GRIA1: variants seen among roughly 807,000 people sequenced by gnomAD.
GRIA1 encodes glutamate receptor 1.
GRIA1 carries 31 observed loss-of-function variants against 99.2 expected under a neutral mutation model. The ratio of observed to expected loss-of-function variants is 0.31; its 90% confidence interval spans 0.23 to 0.42. GRIA1 has a LOEUF of 0.42. Ranked by LOEUF, GRIA1 falls within the 10% of genes least tolerant of loss-of-function variation. GRIA1 has a pLI of 1.00. For missense variants in GRIA1, 782 were observed against 1,157.5 expected, an observed-to-expected ratio of 0.68 and a Z score of 4.71; for synonymous variants, 438 against 432.4, an observed-to-expected ratio of 1.01 and a Z score of -0.16.
intron 2 of GRIA1, among the ~76,000 whole-genome samples, chr5:153,588,079 T>C (rs868196145): frequency 6.6e-6 from 1 of 152,184 alleles, no homozygotes; most frequent in Admixed American, 6.5e-5. Context: ...ACAAATATTC[T>C]TCAATGGAAG....
intron 14 of GRIA1, among the ~76,000 whole-genome samples, chr5:153,801,010 A>G (rs1326780507): frequency 6.6e-6 from 1 of 152,238 alleles, no homozygotes; most frequent in Non-Finnish European, 1.5e-5. Flanking sequence ...ATTCAATGAG[A>G]CATTTATTGT....
intron 2 of GRIA1, among the ~76,000 whole-genome samples, chr5:153,574,799 A>G (rs1232672520): frequency 6.6e-6 from 1 of 152,156 alleles, no homozygotes; most frequent in Non-Finnish European, 1.5e-5. Flanking sequence ...TAGTTCTTTC[A>G]GATAGGTGAC....
At chr5:153,554,680 G>A (rs5005058) in intron 2 of GRIA1, among the ~76,000 whole-genome samples, 70,713 of 151,728 alleles carry the variant, frequency 0.47, 18,188 homozygotes, top group Non-Finnish European at 0.59. Flanking sequence ...TTTTAGTAGA[G>A]ACGGGGTTCC....
chr5:153,778,977 AC>A (rs1455524822), intron 13 of GRIA1, among the ~76,000 whole-genome samples: 1 of 152,172 alleles, frequency 6.6e-6, no homozygotes, highest in Non-Finnish European at 1.5e-5. Context: ...AACAGATTGA[AC>A]CAAAAACATC....
At chr5:153,545,469 T>A (rs1759525524) in intron 2 of GRIA1, among the ~76,000 whole-genome samples, 1 of 152,110 alleles carries the variant, frequency 6.6e-6, no homozygotes, top group East Asian at 1.9e-4. Flanking sequence ...AATAGTTGTA[T>A]CCACTGCAAA....
At chr5:153,544,907 G>A (rs1230906960) in intron 2 of GRIA1, among the ~76,000 whole-genome samples, 3 of 152,184 alleles carry the variant, frequency 2.0e-5, no homozygotes, top group African/African-American at 4.8e-5. Context: ...GGAAAGCAGT[G>A]CCAGACTGGA....
intron 15 of GRIA1, among the ~76,000 whole-genome samples, chr5:153,803,350 A>G (rs1266846139): frequency 2.0e-5 from 3 of 152,224 alleles, no homozygotes; most frequent in African/African-American, 4.8e-5. Flanking sequence ...GCCCCTCAAC[A>G]TTTAGCTTCA....
chr5:153,636,474 T>G lies in GRIA1; in HGVS notation c.221-10454T>G, dbSNP rs191263619. 5.4e-3 allele frequency among the ~76,000 whole-genome samples: 819 copies of G among 152,340 alleles called. 9 individuals are homozygous for G. The highest frequency in any genetic ancestry group is 0.018 in the African/African-American group (748 of 41,576). On this transcript the variant is annotated intron_variant, in intron 2 of 15. Coordinates refer to ENST00000285900, the MANE Select transcript of GRIA1 (RefSeq NM_000827.4). ...AGCAATGTAAATATGTAAACTCATT[T>G]GTTTACATATTGTCTTTGGCTGCCT...
At chr5:153,709,801 A>T (rs6867011) in intron 11 of GRIA1, among the ~76,000 whole-genome samples, 31,292 of 152,148 alleles carry the variant, frequency 0.21, 3,634 homozygotes, top group East Asian at 0.51. Context: ...CTTCTTTCTC[A>T]TTGGTCAGGA....
chr5:153,763,418 T>C (rs1185650249), intron 11 of GRIA1, among the ~76,000 whole-genome samples: 1 of 152,216 alleles, frequency 6.6e-6, no homozygotes, highest in Non-Finnish European at 1.5e-5. Flanking sequence ...TTGAAGGCTC[T>C]GAGCTTGAGG....
chr5:153,651,124 A>G (rs1008153340), intron 4 of GRIA1, among the ~76,000 whole-genome samples: 1 of 152,082 alleles, frequency 6.6e-6, no homozygotes, highest in Admixed American at 6.6e-5. Context: ...TCCATTTTAG[A>G]GTTTATGAAA....
chr5:153,626,655 T>C (rs1460072916), intron 2 of GRIA1, among the ~76,000 whole-genome samples: 1 of 152,174 alleles, frequency 6.6e-6, no homozygotes, highest in African/African-American at 2.4e-5. Context: ...TAAGGGACAG[T>C]TAGAGTGGAG....
At chr5:153,783,603 A>G (rs1235576817) in intron 13 of GRIA1, among the ~76,000 whole-genome samples, 2 of 152,352 alleles carry the variant, frequency 1.3e-5, no homozygotes, top group African/African-American at 4.8e-5. Flanking sequence ...CAGAACCCTG[A>G]AGAAATTTAC....
At chr5:153,679,478 CCAGGGTCACA>C (rs1158116382) in intron 7 of GRIA1, among the ~76,000 whole-genome samples, 11 of 152,176 alleles carry the variant, frequency 7.2e-5, no homozygotes, top group Admixed American at 3.3e-4. Flanking sequence ...AGTGACTCAC[CCAGGGTCACA>C]CAGCAGCTTA....
At chr5:153,708,460 C>A (rs1195335060) in intron 11 of GRIA1, among the ~76,000 whole-genome samples, 9 of 152,040 alleles carry the variant, frequency 5.9e-5, no homozygotes, top group Admixed American at 5.2e-4. Flanking sequence ...ACATATCCAG[C>A]CTCCCTCCTC....
chr5:153,737,230 C>A (rs1258405605), intron 11 of GRIA1, among the ~76,000 whole-genome samples: 2 of 146,228 alleles, frequency 1.4e-5, no homozygotes, highest in African/African-American at 2.6e-5. Context: ...TTCATAACAA[C>A]CTTTTGAGTT....
chr5:153,598,237 G>A (rs1269516962), intron 2 of GRIA1, among the ~76,000 whole-genome samples: 1 of 151,866 alleles, frequency 6.6e-6, no homozygotes, highest in African/African-American at 2.4e-5. Context: ...CAAACTACTT[G>A]GGGGAGGGAG....
chr5:153,718,930 G>T (rs1759851596), intron 11 of GRIA1, among the ~76,000 whole-genome samples: 1 of 152,154 alleles, frequency 6.6e-6, no homozygotes, highest in Non-Finnish European at 1.5e-5. Context: ...TTATTTCTCA[G>T]CTCAGTTATT....
At chr5:153,602,386 G>T (rs1022280404) in intron 2 of GRIA1, among the ~76,000 whole-genome samples, 17 of 151,778 alleles carry the variant, frequency 1.1e-4, no homozygotes, top group African/African-American at 2.7e-4. Flanking sequence ...GTTGTGGGGT[G>T]GGGGGAGTGG....
Sources: allele counts gnomAD v4.1 joint callset (sites outside exome capture counted in the v4.1 genomes callset), GRCh38; gene constraint gnomAD v4.1.1; transcripts MANE v1.5; gene names NCBI Gene and HGNC (gene_info 2026-07-23, HGNC 2026-07-21).